ADAMTS20: variants seen among roughly 807,000 people sequenced by gnomAD.
ADAMTS20 encodes the protein A disintegrin and metalloproteinase with thrombospondin motifs 20.
In ADAMTS20, 225 loss-of-function variants were observed where a neutral mutation model predicts 260.1. The observed-to-expected ratio is 0.87, with a 90% CI of 0.78 to 0.97. ADAMTS20 has a LOEUF of 0.97. ADAMTS20 is among the 50% of genes least tolerant of loss of function. The pLI, the probability that ADAMTS20 is intolerant of heterozygous loss-of-function variation, is 0.00. For missense variants in ADAMTS20, 2,400 were observed against 2,337.7 expected, an observed-to-expected ratio of 1.03 and a Z score of -0.55; for synonymous variants, 802 against 769.5, an observed-to-expected ratio of 1.04 and a Z score of -0.70.
rs869040570 is a variant in ADAMTS20 at position 43,405,229 on chromosome 12, C to CAAA, written c.4285-5999_4285-5997dup. Among the ~76,000 whole-genome samples the CAAA allele has an allele frequency of 5.8e-3, 305 of 52,684 alleles. 8 individuals carry two copies. Among genetic ancestry groups the CAAA allele is most frequent in the African/African-American group, 0.014 (159 of 11,300 alleles). 34.6% of individuals were successfully genotyped at this position (52,684 alleles called of 152,430 possible). A position where few individuals can be genotyped will look rare whatever the true frequency, so the allele number is the denominator to read the frequency against. On this transcript the variant is annotated intron_variant, in intron 28 of 38. Coordinates refer to ENST00000389420, the MANE Select transcript of ADAMTS20 (RefSeq NM_025003.5). ...GTAACAAAATGAGACCTCATCTCTA[C>CAAA]AAAAAAAAAAAAAAAAAAAAAAAAA...
Position 43,464,603 on chromosome 12 carries a change from C to T in ADAMTS20, c.1497G>A (p.Met499Ile), listed in dbSNP as rs1362576494. The change falls in exon 10 of 39, where the codon ATG (methionine) becomes ATA (isoleucine). Residue 499 changes from methionine to isoleucine, a missense_variant. Transcript: ENST00000389420. Reference sequence around the variant, plus strand: ...TTTCTTTTCTTACTATATGGGGACACATTTGTGACCCAGGACCAAACGCAA... The same window carrying T: ...TTTCTTTTCTTACTATATGGGGACATATTTGTGACCCAGGACCAAACGCAA... Reference protein sequence around the residue: ...CELAFGPGSQMCPHINICMHL... With the variant: ...CELAFGPGSQICPHINICMHL... The T allele has an allele frequency of 1.2e-6, 2 of 1,612,502 alleles. No homozygotes were observed. The highest frequency in any genetic ancestry group is 1.1e-5 in the South Asian group (1 of 90,944).
chr12:43,387,882 A>C (rs931966463), intron 29 of ADAMTS20, among the ~76,000 whole-genome samples: 1 of 151,966 alleles, frequency 6.6e-6, no homozygotes, highest in Non-Finnish European at 1.5e-5. Context: ...CCCTCCCCCC[A>C]CCAAGCTCCA....
At chr12:43,400,888 TA>T (rs1940797146) in intron 28 of ADAMTS20, among the ~76,000 whole-genome samples, 2 of 151,928 alleles carry the variant, frequency 1.3e-5, no homozygotes, top group African/African-American at 4.8e-5. Context: ...GCCACTTTAT[TA>T]AAAGGTAATA....
chr12:43,477,293 C>G (rs1359335179), intron 7 of ADAMTS20, among the ~76,000 whole-genome samples: 3 of 151,936 alleles, frequency 2.0e-5, no homozygotes, highest in Admixed American at 2.0e-4. Context: ...ATGACAGATA[C>G]TCAGTAAAAG....
chr12:43,467,380 T>A (rs1413685604), intron 8 of ADAMTS20, among the ~76,000 whole-genome samples: 1 of 152,042 alleles, frequency 6.6e-6, no homozygotes, highest in Non-Finnish European at 1.5e-5. Flanking sequence ...AATTAGCAGG[T>A]TGGCAGCAGA....
chr12:43,467,574 A>G (rs1250128833), intron 8 of ADAMTS20, among the ~76,000 whole-genome samples: 1 of 151,992 alleles, frequency 6.6e-6, no homozygotes, highest in African/African-American at 2.4e-5. Context: ...CTAAGATAGT[A>G]CTCTCTGCAA....
chr12:43,463,059 A>T (rs774148990), intron 10 of ADAMTS20, 60 bp from the exon 11 acceptor site: 65 of 1,159,364 alleles, frequency 5.6e-5, no homozygotes, highest in Non-Finnish European at 7.8e-5. Context: ...CACTGGTTCA[A>T]TTCAGTATTA....
chr12:43,461,550 G>A (rs1284928701), intron 11 of ADAMTS20, among the ~76,000 whole-genome samples: 1 of 152,052 alleles, frequency 6.6e-6, no homozygotes, highest in Non-Finnish European at 1.5e-5. Context: ...AATCCTGAAG[G>A]TTCATGGCAT....
At chr12:43,407,308 G>A (rs548542615) in intron 28 of ADAMTS20, among the ~76,000 whole-genome samples, 5 of 151,626 alleles carry the variant, frequency 3.3e-5, no homozygotes, top group South Asian at 2.1e-4. Flanking sequence ...AGCAGACTTC[G>A]ATTAAATTAA....
chr12:43,493,025 A>G, intron 5 of ADAMTS20, 145 bp downstream of exon 5: 1 of 651,320 alleles, frequency 1.5e-6, no homozygotes, highest in South Asian at 1.9e-5. Flanking sequence ...CATCACAACA[A>G]ATAAGGGTAA....
chr12:43,429,623 C>T lies in ADAMTS20; in HGVS notation c.3483G>A (p.Trp1161Ter), dbSNP rs767296954. The T allele has an allele frequency of 6.3e-7, 1 of 1,590,436 alleles. No homozygotes were observed. The highest frequency in any genetic ancestry group is 1.3e-5 in the African/African-American group (1 of 74,458). ...ATTAAAGAAATTCACTTACTGGGGT[C>T]CAAGAACCATGTCGCCATTGTGCCA... ...KKMAQWRHGS[W>*]TPCSVSCGRG... Residue 1161 changes from tryptophan to a stop codon, truncating the protein, a stop_gained, in exon 24 of 39, where the codon TGG becomes TGA. Transcript: ENST00000389420. LOFTEE classifies it high-confidence loss of function.
intron 2 of ADAMTS20, among the ~76,000 whole-genome samples, chr12:43,537,538 TTTAAG>T (rs1360032222): frequency 1.3e-4 from 20 of 152,284 alleles, no homozygotes; most frequent in Middle Eastern, 6.8e-3. Flanking sequence ...AATTACATTC[TTTAAG>T]TTATTTTAAA....
intron 6 of ADAMTS20, among the ~76,000 whole-genome samples, chr12:43,492,169 A>G (rs1027000542): frequency 9.9e-5 from 15 of 152,204 alleles, no homozygotes; most frequent in African/African-American, 3.6e-4. Context: ...TCACGAGGTC[A>G]GGAGATCGAG....
chr12:43,516,979 G>T (rs914452230), intron 3 of ADAMTS20, among the ~76,000 whole-genome samples: 2 of 151,728 alleles, frequency 1.3e-5, no homozygotes, highest in Non-Finnish European at 2.9e-5. Context: ...TAATCATCTT[G>T]GTACATGCAG....
chr12:43,368,880 T>C (rs1367031118), intron 37 of ADAMTS20, among the ~76,000 whole-genome samples: 2 of 152,152 alleles, frequency 1.3e-5, no homozygotes, highest in Non-Finnish European at 2.9e-5. Flanking sequence ...ATACATTTTA[T>C]TGATAACAGA....
rs564018317 is a variant in ADAMTS20 at position 43,468,343 on chromosome 12, T to A, written c.1223+257A>T. On this transcript the variant is annotated intron_variant, in intron 8 of 38. Transcript: ENST00000389420. ...AAGAGACAGAGGCCAGAAGTGCTTG[T>A]CATGTATCCAATACAGTAAAGGAAA... 1.5e-4 allele frequency among the ~76,000 whole-genome samples: 23 copies of A among 152,288 alleles called. No homozygotes were observed. The East Asian group carries it at 4.4e-3, about 29-fold the overall frequency.
chr12:43,431,645 G>A (rs1245581604), intron 21 of ADAMTS20, 149 bp from the exon 22 acceptor site: 13 of 911,414 alleles, frequency 1.4e-5, no homozygotes, highest in Non-Finnish European at 2.0e-5. Flanking sequence ...GATATTCACT[G>A]GGTAAAATCA....
At position 43,371,535 on chromosome 12, in the gene ADAMTS20, T is replaced by C. The variant is rs566533806; in HGVS notation, c.5447-2154A>G. ...GATAATAGAATGGGGAGGAAGAGAATTTAGTGGTGGAGAGTGGTTCTGGAT... is the reference window on the plus strand; with the variant it reads ...GATAATAGAATGGGGAGGAAGAGAACTTAGTGGTGGAGAGTGGTTCTGGAT... On this transcript the variant is annotated intron_variant, in intron 36 of 38. Coordinates refer to ENST00000389420, the MANE Select transcript of ADAMTS20 (RefSeq NM_025003.5). Among the ~76,000 whole-genome samples the C allele has an allele frequency of 7.2e-5, 11 of 152,120 alleles. No individual in the cohort carries two copies. The East Asian group carries it at 2.1e-3, about 29-fold the overall frequency.
At chr12:43,426,851 G>A (rs961694934) in intron 27 of ADAMTS20, among the ~76,000 whole-genome samples, 2 of 152,120 alleles carry the variant, frequency 1.3e-5, no homozygotes, top group African/African-American at 2.4e-5. Flanking sequence ...TCTAGAATAT[G>A]CATTTTTTAA....
Sources: gnomAD v4.1 joint callset for allele counts (sites outside exome capture counted in the v4.1 genomes callset) on GRCh38, gnomAD v4.1.1 for gene constraint, MANE v1.5 for transcripts, NCBI Gene and HGNC (gene_info 2026-07-23, HGNC 2026-07-21) for gene names.